The following CIAPIN1 variants were observed in gnomAD, a reference collection of about 807,000 sequenced individuals.
CIAPIN1 encodes cytokine induced apoptosis inhibitor 1.
Under a neutral mutation model 34.3 loss-of-function variants are expected in CIAPIN1, and 18 were observed. The observed-to-expected ratio is 0.52, with a 90% CI of 0.36 to 0.78. CIAPIN1 has a LOEUF of 0.78. Ranked by LOEUF, CIAPIN1 falls within the 30% of genes least tolerant of loss-of-function variation. CIAPIN1 has a pLI of 0.00. For synonymous variants in CIAPIN1, 131 were observed against 140.4 expected, an observed-to-expected ratio of 0.93 and a Z score of 0.47; for missense variants, 310 against 372.5, an observed-to-expected ratio of 0.83 and a Z score of 1.38.
Position 57,439,274 on chromosome 16 carries a change from G to C in CIAPIN1, c.218C>G (p.Thr73Ser). Residue 73 changes from threonine to serine, a missense_variant, in exon 3 of 9, where the codon ACT becomes AGT. By Grantham distance (58) the Thr-to-Ser change is moderately conservative. Transcript: ENST00000394391. ...ILSGLVPGST[T>S]LHSAEILAEI... The stretch of plus-strand genomic sequence containing the variant: ...AGCCAAAATCTCAGCACTGTGCAGA[G>C]TGGTGCTTCCTGGGACTAAACCTGA... 1 of 1,614,228 alleles carries C rather than the reference G, an allele frequency of 6.2e-7. No homozygotes were observed. Among genetic ancestry groups the C allele is most frequent in the South Asian group, 1.1e-5 (1 of 91,086 alleles).
chr16:57,429,367 C>T (rs946051724), intron 8 of CIAPIN1, 87 bp from the exon 9 acceptor site: 2 of 853,582 alleles, frequency 2.3e-6, no homozygotes, highest in Non-Finnish European at 3.9e-6. Flanking sequence ...CATAATGTGG[C>T]CACAGTGGCC....
At chr16:57,433,114 A>C (rs1488822510) in intron 5 of CIAPIN1, among the ~76,000 whole-genome samples, 1 of 152,200 alleles carries the variant, frequency 6.6e-6, no homozygotes, top group Non-Finnish European at 1.5e-5. Context: ...ACAAGAAAAT[A>C]GGCTCTAGAG....
At chr16:57,441,098 G>A in intron 1 of CIAPIN1, 115 bp from the exon 2 acceptor site, 2 of 606,850 alleles carry the variant, frequency 3.3e-6, no homozygotes, top group South Asian at 4.7e-5. Context: ...AAACTCTACT[G>A]TATATGCTAA....
intron 8 of CIAPIN1, 97 bp from the exon 9 acceptor site, chr16:57,429,377 C>CT: frequency 1.3e-6 from 1 of 788,008 alleles, no homozygotes; most frequent in East Asian, 2.6e-5. Flanking sequence ...CCACAGTGGC[C>CT]TGAAGGAAAT....
chr16:57,431,794 T>A (rs537054142), intron 6 of CIAPIN1, among the ~76,000 whole-genome samples: 2 of 152,146 alleles, frequency 1.3e-5, no homozygotes, highest in African/African-American at 2.4e-5. Flanking sequence ...ACTTCAATAG[T>A]AGAGGTGTAG....
intron 3 of CIAPIN1, 130 bp from the exon 4 acceptor site, chr16:57,436,862 T>C: frequency 1.9e-6 from 1 of 517,190 alleles, no homozygotes; most frequent in South Asian, 2.1e-5. Context: ...CTCATGTCTG[T>C]AATCCCAGCA....
intron 4 of CIAPIN1, among the ~76,000 whole-genome samples, chr16:57,435,017 T>A (rs567222759): frequency 6.6e-6 from 1 of 152,290 alleles, no homozygotes; most frequent in South Asian, 2.1e-4. Context: ...GAGTCTGATA[T>A]AGTTTGGATA....
At chr16:57,435,900 A>C (rs1157141268) in intron 4 of CIAPIN1, among the ~76,000 whole-genome samples, 1 of 152,264 alleles carries the variant, frequency 6.6e-6, no homozygotes, top group Non-Finnish European at 1.5e-5. Flanking sequence ...TCCCACATCC[A>C]AGAAAATTTT....
intron 2 of CIAPIN1, 99 bp from the exon 3 acceptor site, chr16:57,439,433 G>T: frequency 8.2e-7 from 1 of 1,216,846 alleles, no homozygotes; most frequent in Non-Finnish European, 1.2e-6. Context: ...CACCCTGAGA[G>T]AATGGACACC....
intron 1 of CIAPIN1, among the ~76,000 whole-genome samples, chr16:57,446,606 C>A (rs552107527): frequency 2.6e-5 from 4 of 152,290 alleles, no homozygotes; most frequent in African/African-American, 9.6e-5. Flanking sequence ...CTGTTAGTGG[C>A]TAGACCGTGA....
chr16:57,431,892 C>T (rs1903095163), intron 6 of CIAPIN1, among the ~76,000 whole-genome samples: 1 of 152,106 alleles, frequency 6.6e-6, no homozygotes, highest in Non-Finnish European at 1.5e-5. Context: ...CCCAAAGGTG[C>T]CAATAAAACT....
In CIAPIN1 at chr16:57,432,577, A is replaced by G; in HGVS notation, c.557-17T>C. On this transcript the variant is annotated splice_polypyrimidine_tract_variant and intron_variant, in intron 5 of 8. Transcript: ENST00000394391. Reference sequence around the variant, plus strand: ...CAGGTTTCACTGAGTCCAAGCAATAAAAGAAAAAACTCCATAAACACAGTC... The same window carrying G: ...CAGGTTTCACTGAGTCCAAGCAATAGAAGAAAAAACTCCATAAACACAGTC... 1 of 1,608,658 alleles carries G rather than the reference A, an allele frequency of 6.2e-7. No homozygotes were observed.
At chr16:57,442,004 G>C (rs1903343620) in intron 1 of CIAPIN1, among the ~76,000 whole-genome samples, 1 of 152,214 alleles carries the variant, frequency 6.6e-6, no homozygotes, top group African/African-American at 2.4e-5. Context: ...TGCCACCACA[G>C]ATACAGACTG....
At chr16:57,446,356 G>A (rs556017976) in intron 1 of CIAPIN1, among the ~76,000 whole-genome samples, 1 of 152,268 alleles carries the variant, frequency 6.6e-6, no homozygotes, top group East Asian at 1.9e-4. Flanking sequence ...TTTAACCTTT[G>A]GGGTAAGTTT....
intron 6 of CIAPIN1, among the ~76,000 whole-genome samples, 172 bp downstream of exon 6, chr16:57,432,315 A>C (rs568149916): frequency 6.6e-6 from 1 of 151,674 alleles, no homozygotes; most frequent in Non-Finnish European, 1.5e-5. Flanking sequence ...TGTCTCCAAA[A>C]AAAAAGCCAC....
chr16:57,433,550 C>A (rs374135836), intron 5 of CIAPIN1: 52 of 183,072 alleles, frequency 2.8e-4, no homozygotes, highest in African/African-American at 1.2e-3. Context: ...TGTGCGTGCG[C>A]GTGCGTGCAC....
chr16:57,431,518 A>G (rs748618779), intron 6 of CIAPIN1: 15 of 345,650 alleles, frequency 4.3e-5, no homozygotes, highest in Non-Finnish European at 7.6e-5. Flanking sequence ...AAAAAGCTGT[A>G]TGACTGGCCA....
chr16:57,435,480 TTGGCATAAAGAATCTAAGGCC>T (rs1167837373), intron 4 of CIAPIN1, among the ~76,000 whole-genome samples: 7 of 152,210 alleles, frequency 4.6e-5, no homozygotes, highest in Admixed American at 1.3e-4. Context: ...TAAGAAAGGG[TTGGCATAAAGAATCTAAGGCC>T]TGGCATAAAG....
intron 3 of CIAPIN1, among the ~76,000 whole-genome samples, chr16:57,438,669 A>G (rs1385911972): frequency 1.1e-4 from 16 of 152,252 alleles, no homozygotes; most frequent in African/African-American, 3.9e-4. Flanking sequence ...GAATTGTTCT[A>G]TCACCACAGG....
Sources: gnomAD v4.1 joint callset for allele counts (sites outside exome capture counted in the v4.1 genomes callset) on GRCh38, gnomAD v4.1.1 for gene constraint, MANE v1.5 for transcripts, NCBI Gene and HGNC (gene_info 2026-07-23, HGNC 2026-07-21) for gene names.